LYST: variants seen among roughly 807,000 people sequenced by gnomAD.
The protein encoded by LYST is lysosomal trafficking regulator.
LYST carries 192 observed loss-of-function variants against 413.6 expected under a neutral mutation model. The observed-to-expected ratio is 0.46, with a 90% CI of 0.41 to 0.52. LYST has a LOEUF of 0.52. Ranked by LOEUF, LYST falls within the 20% of genes least tolerant of loss-of-function variation. The pLI is 0.00. For missense variants in LYST, 3,815 were observed against 4,499.9 expected, an observed-to-expected ratio of 0.85 and a Z score of 4.35; for synonymous variants, 1,525 against 1,567.3, an observed-to-expected ratio of 0.97 and a Z score of 0.64.
intron 1 of LYST, among the ~76,000 whole-genome samples, chr1:235,845,643 G>GA (rs962512508): frequency 1.0e-4 from 5 of 48,156 alleles, no homozygotes; most frequent in African/African-American, 2.7e-4. Context: ...CCGGCAGTTA[G>GA]GGGGGACACG....
At chr1:235,665,999 T>C (rs1658420584) in intron 50 of LYST, among the ~76,000 whole-genome samples, 1 of 151,930 alleles carries the variant, frequency 6.6e-6, no homozygotes, top group African/African-American at 2.4e-5. Context: ...TCATTACATA[T>C]AAGTAGAGGC....
intron 20 of LYST, among the ~76,000 whole-genome samples, chr1:235,767,512 A>G (rs1314434410): frequency 1.3e-5 from 2 of 151,832 alleles, no homozygotes; most frequent in African/African-American, 2.4e-5. Flanking sequence ...TCTAAACCAT[A>G]CTCCATGTAT....
chr1:235,683,874 G>A (rs1158373041), intron 48 of LYST, among the ~76,000 whole-genome samples: 1 of 152,008 alleles, frequency 6.6e-6, no homozygotes, highest in Admixed American at 6.6e-5. Flanking sequence ...ACGATCCCTG[G>A]GAAAAAGCAA....
intron 19 of LYST, among the ~76,000 whole-genome samples, chr1:235,771,917 G>GTTTTTT (rs1215590592): frequency 5.6e-4 from 41 of 72,674 alleles, no homozygotes; most frequent in African/African-American, 1.5e-3. Flanking sequence ...TTTTTAGTTT[G>GTTTTTT]TTTTTTTTTT....
At chr1:235,678,100 A>G (rs1659528556) in intron 48 of LYST, among the ~76,000 whole-genome samples, 1 of 152,052 alleles carries the variant, frequency 6.6e-6, no homozygotes, top group Non-Finnish European at 1.5e-5. Flanking sequence ...GGTTTTTAGT[A>G]GATTAGAGGG....
chr1:235,879,407 C>T (rs1214618449), intron 1 of LYST, among the ~76,000 whole-genome samples: 1 of 152,206 alleles, frequency 6.6e-6, no homozygotes, highest in African/African-American at 2.4e-5. Flanking sequence ...GGAATGGTCG[C>T]CTGCTAACAA....
intron 3 of LYST, among the ~76,000 whole-genome samples, chr1:235,817,634 G>A (rs1674308917): frequency 6.6e-6 from 1 of 152,126 alleles, no homozygotes; most frequent in South Asian, 2.1e-4. Flanking sequence ...AATACTGCAT[G>A]TTCTCACTTT....
At chr1:235,835,176 C>T (rs1676435394) in intron 1 of LYST, among the ~76,000 whole-genome samples, 1 of 152,090 alleles carries the variant, frequency 6.6e-6, no homozygotes, top group Admixed American at 6.6e-5. Flanking sequence ...CTCGGCCTCC[C>T]AAAGTGCTAG....
At chr1:235,835,108 G>A (rs1194896513) in intron 1 of LYST, among the ~76,000 whole-genome samples, 1 of 151,222 alleles carries the variant, frequency 6.6e-6, no homozygotes, top group African/African-American at 2.4e-5. Context: ...AATGGGGGGG[G>A]GTTTCGCCAC....
In LYST at chr1:235,800,377, T is replaced by C. The variant is rs1233291995; in HGVS notation, c.3949A>G (p.Lys1317Glu). Reference protein sequence around the residue: ...VFLLMQQGTVKNLLGGFLSIL... With the variant: ...VFLLMQQGTVENLLGGFLSIL... ...CTCAAGAACCCTCCTAAAAGATTTT[T>C]CACAGTTCCCTGAAGATTAAAAAAA... is the stretch of plus-strand genomic sequence containing the variant. Residue 1317 changes from lysine to glutamate, a missense_variant, in exon 10 of 53, where the codon AAA becomes GAA. By Grantham distance (56) the Lys-to-Glu change is moderately conservative. This residue lies in a region of LYST where 1,648 missense variants were observed against 1,810.3 expected (regional missense o/e 0.91). Coordinates refer to ENST00000389793, the MANE Select transcript of LYST (RefSeq NM_000081.4). 1 of 1,574,286 alleles carries C rather than the reference T, an allele frequency of 6.4e-7. No individual in the cohort carries two copies. Among genetic ancestry groups the C allele is most frequent in the Admixed American group, 1.7e-5 (1 of 59,960 alleles).
chr1:235,845,116 C>T lies in LYST; in HGVS notation c.-97-11449G>A, dbSNP rs142585971. Among the ~76,000 whole-genome samples, 1,473 of 152,212 alleles carry T rather than the reference C, an allele frequency of 9.7e-3. 36 individuals are homozygous for T. The highest frequency in any genetic ancestry group is 0.031 in the African/African-American group (1,297 of 41,524). On this transcript the variant is annotated intron_variant, in intron 1 of 52. Transcript: ENST00000389793. ...GGACCCACAGACCCTCTGAAGGAAG[C>T]GGATTGCTCCTGCAGGCCCCAGGAG...
intron 42 of LYST, chr1:235,713,245 A>G (rs1662549363): frequency 1.1e-6 from 1 of 948,146 alleles, no homozygotes; most frequent in African/African-American, 1.8e-5. Flanking sequence ...TTAAAGAAAT[A>G]CCTACTAACT....
intron 18 of LYST, 30 bp from the exon 19 acceptor site, chr1:235,774,021 C>T: frequency 6.7e-7 from 1 of 1,488,852 alleles, no homozygotes. Flanking sequence ...ATATAAGATG[C>T]ATTAGTAATT....
chr1:235,712,881 A>G, intron 42 of LYST: 1 of 985,324 alleles, frequency 1.0e-6, no homozygotes, highest in African/African-American at 1.7e-5. Context: ...AACAATGATC[A>G]GACTTTCTAG....
intron 3 of LYST, among the ~76,000 whole-genome samples, chr1:235,816,605 A>C (rs7528999): frequency 0.034 from 5,137 of 152,242 alleles, 277 homozygotes; most frequent in African/African-American, 0.12. Context: ...TGAATAGCCA[A>C]AGCAATCCTA....
chr1:235,844,839 T>C (rs1677609343), intron 1 of LYST, among the ~76,000 whole-genome samples: 1 of 152,136 alleles, frequency 6.6e-6, no homozygotes, highest in African/African-American at 2.4e-5. Context: ...TTAAAACATA[T>C]CAGTTGAACT....
chr1:235,787,660 T>A (rs1414255851), intron 13 of LYST, among the ~76,000 whole-genome samples: 1 of 152,094 alleles, frequency 6.6e-6, no homozygotes, highest in African/African-American at 2.4e-5. Context: ...ATATTATTAC[T>A]ATTTATATAG....
intron 1 of LYST, among the ~76,000 whole-genome samples, chr1:235,859,508 T>A (rs986768358): frequency 4.0e-5 from 6 of 149,630 alleles, no homozygotes; most frequent in Admixed American, 3.3e-4. Flanking sequence ...AGGCCTTTTT[T>A]TTTTTTTAAA....
chr1:235,808,272 T>C (rs1000441873), intron 5 of LYST, among the ~76,000 whole-genome samples, 183 bp downstream of exon 5: 1 of 152,092 alleles, frequency 6.6e-6, no homozygotes, highest in Non-Finnish European at 1.5e-5. Context: ...GTTGACAAAT[T>C]GAAATTAAAT....
Sources: allele counts gnomAD v4.1 joint callset (sites outside exome capture counted in the v4.1 genomes callset), GRCh38; gene constraint gnomAD v4.1.1; regional missense constraint gnomAD v4.1.1; transcripts MANE v1.5; gene names NCBI Gene and HGNC (gene_info 2026-07-23, HGNC 2026-07-21).